KCNK18: variants seen among roughly 807,000 people sequenced by gnomAD.
KCNK18 encodes potassium channel subfamily K member 18.
A neutral mutation model predicts 11.8 loss-of-function variants in KCNK18; 8 were observed. The observed-to-expected ratio is 0.68, with a 90% confidence interval of 0.40 to 1.22. KCNK18 has a LOEUF of 1.22. KCNK18 is among the 50% of genes most tolerant of loss of function. The pLI is 0.01. For missense variants in KCNK18, 442 were observed against 465.4 expected (o/e 0.95, Z 0.46); for synonymous variants, 208 against 185.8 (o/e 1.12, Z -0.97).
At chr10:117,202,801 C>T (rs117822810) in intron 2 of KCNK18, among the ~76,000 whole-genome samples, 3,754 of 151,368 alleles carry the variant, frequency 0.025, 77 homozygotes, top group Non-Finnish European at 0.041. Context: ...CAACCGGTGT[C>T]TGCTGCACCC....
In KCNK18 at chr10:117,197,622, A is replaced by G; in HGVS notation, c.134A>G (p.Glu45Gly). The G allele has an allele frequency of 3.1e-6, 5 of 1,614,130 alleles. No homozygotes were observed. Among genetic ancestry groups the G allele is most frequent in the Non-Finnish European group, 4.2e-6 (5 of 1,179,992 alleles). The change falls in exon 1 of 3, where the codon GAG (glutamate) becomes GGG (glycine). Residue 45 changes from glutamate (E) to glycine (G), a missense_variant. Glu to Gly is a moderately conservative substitution (Grantham distance 98). Coordinates refer to ENST00000334549, the MANE Select transcript of KCNK18 (RefSeq NM_181840.1). The part of the protein sequence containing the change: ...LVGAVVFSAI[E>G]DGQVLVAADD... ...GGTGCTGTGGTCTTCTCTGCCATTG[A>G]GGACGGCCAGGTCCTGGTGGCAGCA...
chr10:117,210,065 G>A lies in KCNK18; in HGVS notation c.921G>A (p.Gln307=). 6.2e-7 allele frequency: 1 copy of A among 1,614,186 alleles called. No homozygotes were observed. The highest frequency in any genetic ancestry group is 2.2e-5 in the East Asian group (1 of 44,884). ...AAAILPFWET[Q]LDFENAFYFC... ...CCATCCTCCCCTTCTGGGAGACACAGTTGGATTTCGAGAATGCCTTCTATT... is the reference window on the plus strand; with the variant it reads ...CCATCCTCCCCTTCTGGGAGACACAATTGGATTTCGAGAATGCCTTCTATT... Residue 307 remains glutamine, a synonymous_variant, in exon 3 of 3, where the codon CAG becomes CAA. Coordinates refer to ENST00000334549, the MANE Select transcript of KCNK18 (RefSeq NM_181840.1).
At chr10:117,201,495 A>AT (rs1855013745) in intron 2 of KCNK18, among the ~76,000 whole-genome samples, 1 of 152,176 alleles carries the variant, frequency 6.6e-6, no homozygotes, top group Non-Finnish European at 1.5e-5. Context: ...GCCCTGTTCT[A>AT]AGACCTTTAT....
Sources: gnomAD v4.1 joint callset for allele counts (sites outside exome capture counted in the v4.1 genomes callset) on GRCh38, gnomAD v4.1.1 for gene constraint, MANE v1.5 for transcripts, NCBI Gene and HGNC (gene_info 2026-07-23, HGNC 2026-07-21) for gene names.